The following USP33 variants were observed in gnomAD, a reference collection of about 807,000 sequenced individuals.
USP33 encodes the protein ubiquitin specific peptidase 33, also known as ubiquitin carboxyl-terminal hydrolase 33.
Under a neutral mutation model 124.2 loss-of-function variants are expected in USP33, and 46 were observed. The observed-to-expected ratio is 0.37, with a 90% CI of 0.29 to 0.47. The LOEUF (loss-of-function observed/expected upper bound fraction) is 0.47, where lower values mean the gene tolerates loss of function less well. Ranked by LOEUF, USP33 falls within the 20% of genes least tolerant of loss-of-function variation. The probability of loss-of-function intolerance (pLI) is 0.99; values close to 1 mark genes in which losing one functional copy is unlikely to be tolerated. For missense variants in USP33, 851 were observed against 1,070.6 expected (o/e 0.79, Z 2.86); for synonymous variants, 350 against 352.3 (o/e 0.99, Z 0.07).
At chr1:77,713,557 CTTTTTTT>C (rs1192112747) in intron 19 of USP33, 3 of 145,494 alleles carry the variant, frequency 2.1e-5, no homozygotes, top group Non-Finnish European at 3.9e-5. Context: ...GCTAACTTTT[CTTTTTTT>C]TTTTTTTTTT....
chr1:77,737,216 A>C (rs1353225551), intron 5 of USP33, among the ~76,000 whole-genome samples: 1 of 152,160 alleles, frequency 6.6e-6, no homozygotes, highest in African/African-American at 2.4e-5. Context: ...TTTAGCATGT[A>C]CTCTGGTTCT....
rs75632783 is a variant in USP33, at chr1:77,711,697, C to G, written c.2406+50G>C. 7.3e-5 allele frequency: 115 copies of G among 1,575,870 alleles called. No homozygotes were observed. The East Asian group carries it at 2.5e-3, about 34-fold the overall frequency. ...AATATCATATAACTCTGATAATTGT[C>G]AGGTCTTCATCTTTATCCTAGATCA... On this transcript the variant is annotated intron_variant, in intron 21 of 23. Transcript: ENST00000370794.
At chr1:77,749,516 G>A (rs1283162382) in intron 1 of USP33, among the ~76,000 whole-genome samples, 1 of 151,956 alleles carries the variant, frequency 6.6e-6, no homozygotes, top group African/African-American at 2.4e-5. Context: ...CAAATAGCTG[G>A]GACTACAGGC....
chr1:77,720,661 C>A (rs1676468249), intron 15 of USP33: 7 of 969,716 alleles, frequency 7.2e-6, no homozygotes, highest in Non-Finnish European at 8.6e-6. Flanking sequence ...AGTCTTCCAA[C>A]ACTTTTTTCT....
At chr1:77,729,624 T>C (rs1051477634) in intron 9 of USP33, among the ~76,000 whole-genome samples, 8 of 151,992 alleles carry the variant, frequency 5.3e-5, no homozygotes, top group African/African-American at 1.5e-4. Context: ...TGAGCCAAGA[T>C]TGCACCACTG....
At chr1:77,702,858 G>C (rs1428028768) in intron 21 of USP33, among the ~76,000 whole-genome samples, 2 of 151,926 alleles carry the variant, frequency 1.3e-5, no homozygotes, top group Non-Finnish European at 2.9e-5. Flanking sequence ...ACAAGCAAAA[G>C]AGGCTCGGGA....
intron 21 of USP33, among the ~76,000 whole-genome samples, chr1:77,707,618 G>A (rs1327935214): frequency 6.6e-6 from 1 of 152,144 alleles, no homozygotes; most frequent in African/African-American, 2.4e-5. Context: ...CATACTCAGA[G>A]AGAGAAATTT....
At chr1:77,757,784 A>G (rs1179245298) in intron 1 of USP33, among the ~76,000 whole-genome samples, 1 of 152,152 alleles carries the variant, frequency 6.6e-6, no homozygotes, top group Non-Finnish European at 1.5e-5. Context: ...CGAAATTCTG[A>G]TCCTTACACA....
chr1:77,740,655 G>A (rs148839643), intron 4 of USP33, among the ~76,000 whole-genome samples: 219 of 152,232 alleles, frequency 1.4e-3, no homozygotes, highest in Non-Finnish European at 2.6e-3. Flanking sequence ...ATGCCTGGCC[G>A]GATGTACACT....
At chr1:77,747,075 C>T (rs1291651537) in intron 1 of USP33, among the ~76,000 whole-genome samples, 2 of 152,022 alleles carry the variant, frequency 1.3e-5, no homozygotes, top group Non-Finnish European at 2.9e-5. Flanking sequence ...ATCCTCTATC[C>T]TCTATATTGC....
At chr1:77,723,764 A>G (rs1676845964) in intron 11 of USP33, among the ~76,000 whole-genome samples, 1 of 151,974 alleles carries the variant, frequency 6.6e-6, no homozygotes, top group African/African-American at 2.4e-5. Flanking sequence ...TCCCGGGTTC[A>G]TGCCATTCTC....
chr1:77,732,082 T>TG (rs1285570059), intron 7 of USP33, among the ~76,000 whole-genome samples: 1 of 149,596 alleles, frequency 6.7e-6, no homozygotes, highest in East Asian at 2.0e-4. Flanking sequence ...CCAGCCTGGG[T>TG]GACAGAGTAA....
chr1:77,747,047 C>T (rs1360587522), intron 1 of USP33, among the ~76,000 whole-genome samples: 2 of 151,966 alleles, frequency 1.3e-5, no homozygotes, highest in Admixed American at 1.3e-4. Flanking sequence ...GGGTCCATAA[C>T]CTCTTCTTTT....
intron 22 of USP33, among the ~76,000 whole-genome samples, chr1:77,699,705 A>C (rs762073709): frequency 1.4e-4 from 22 of 152,200 alleles, no homozygotes; most frequent in Admixed American, 2.6e-4. Context: ...TATATCCAAA[A>C]GAACACAATT....
rs199998036 is a variant in USP33, at chr1:77,723,462, A to G, written c.1277-19T>C. 2 of 1,471,300 alleles carry G rather than the reference A, an allele frequency of 1.4e-6. No individual in the cohort carries two copies. Among genetic ancestry groups the G allele is most frequent in the East Asian group, 4.6e-5 (2 of 43,254 alleles). 91.1% of individuals were successfully genotyped at this position (1,471,300 alleles called of 1,614,324 possible). A position where few individuals can be genotyped will look rare whatever the true frequency, so the allele number is the denominator to read the frequency against. ...GACTGAGCTAGGATTGAAAAACATT[A>G]AAAAAAAATCAAAGCAGCTCCTTTA... On this transcript the variant is annotated intron_variant, in intron 11 of 23. Coordinates refer to ENST00000370794, the MANE Select transcript of USP33 (RefSeq NM_201624.3).
intron 22 of USP33, among the ~76,000 whole-genome samples, chr1:77,698,222 C>T (rs1387539038): frequency 1.3e-5 from 2 of 150,760 alleles, no homozygotes; most frequent in Non-Finnish European, 2.9e-5. Context: ...CACCACCACG[C>T]CCGGCTAATT....
chr1:77,747,222 T>C (rs1679829057), intron 1 of USP33, among the ~76,000 whole-genome samples: 1 of 151,452 alleles, frequency 6.6e-6, no homozygotes, highest in Non-Finnish European at 1.5e-5. Context: ...CATAAGGATT[T>C]ATTTCTGGGC....
chr1:77,737,422 C>T (rs866399638), intron 5 of USP33, among the ~76,000 whole-genome samples: 21 of 152,156 alleles, frequency 1.4e-4, no homozygotes, highest in African/African-American at 4.8e-4. Context: ...AGTACAGAGG[C>T]TTAAATCACC....
intron 12 of USP33, 41 bp from the exon 13 acceptor site, chr1:77,722,237 G>T: frequency 6.6e-7 from 1 of 1,511,202 alleles, no homozygotes; most frequent in Admixed American, 2.1e-5. Flanking sequence ...TGAACATAAT[G>T]CAGTAAAACA....
Sources: gnomAD v4.1 joint callset for allele counts (sites outside exome capture counted in the v4.1 genomes callset) on GRCh38, gnomAD v4.1.1 for gene constraint, MANE v1.5 for transcripts, NCBI Gene and HGNC (gene_info 2026-07-23, HGNC 2026-07-21) for gene names.